DLGAP1: variants seen among roughly 807,000 people sequenced by gnomAD.
DLGAP1 encodes the protein disks large-associated protein 1.
A neutral mutation model predicts 90.8 loss-of-function variants in DLGAP1; 11 were observed. The observed-to-expected ratio is 0.12, with a 90% CI of 0.08 to 0.20. The LOEUF is 0.20. Among genes scored for constraint, DLGAP1 ranks in the 10% least tolerant of loss-of-function variants. DLGAP1 has a pLI of 1.00. For synonymous variants in DLGAP1, 558 were observed against 540.7 expected, an observed-to-expected ratio of 1.03 and a Z score of -0.44; for missense variants, 1,050 against 1,333.8, an observed-to-expected ratio of 0.79 and a Z score of 3.31.
chr18:3,735,163 G>A (rs942753314), intron 6 of DLGAP1, among the ~76,000 whole-genome samples: 3 of 152,136 alleles, frequency 2.0e-5, no homozygotes, highest in Non-Finnish European at 2.9e-5. Context: ...TGTAAAATAA[G>A]TATAATAATA....
At chr18:4,364,609 C>A (rs1344174592) in intron 1 of DLGAP1, among the ~76,000 whole-genome samples, 1 of 152,024 alleles carries the variant, frequency 6.6e-6, no homozygotes, top group East Asian at 1.9e-4. Flanking sequence ...AAATCCAACT[C>A]CTGGATTTGT....
At chr18:4,207,296 G>A (rs1385235329) in intron 1 of DLGAP1, among the ~76,000 whole-genome samples, 1 of 152,112 alleles carries the variant, frequency 6.6e-6, no homozygotes, top group Non-Finnish European at 1.5e-5. Flanking sequence ...GCCAAGCAGA[G>A]GGGGAAGCCC....
At chr18:3,821,803 T>G (rs974042991) in intron 4 of DLGAP1, 6 of 653,766 alleles carry the variant, frequency 9.2e-6, no homozygotes, top group Non-Finnish European at 1.1e-5. Context: ...CCCTGGACTT[T>G]AGGTTCCTGC....
chr18:4,072,317 T>C (rs2075460704), intron 2 of DLGAP1, among the ~76,000 whole-genome samples: 1 of 152,042 alleles, frequency 6.6e-6, no homozygotes, highest in South Asian at 2.1e-4. Context: ...TTTTCATAGA[T>C]TGAGATTGGC....
chr18:3,573,346 A>C (rs765731578), intron 8 of DLGAP1, among the ~76,000 whole-genome samples: 1 of 152,158 alleles, frequency 6.6e-6, no homozygotes, highest in Non-Finnish European at 1.5e-5. Flanking sequence ...TACTAAAAAT[A>C]CAAAAATTAG....
intron 2 of DLGAP1, among the ~76,000 whole-genome samples, chr18:4,106,646 A>G (rs925096749): frequency 6.6e-6 from 1 of 152,230 alleles, no homozygotes; most frequent in African/African-American, 2.4e-5. Context: ...TTCACAAAGC[A>G]AGGCGCTGCC....
chr18:4,165,999 A>G (rs1256922335), intron 1 of DLGAP1, among the ~76,000 whole-genome samples: 3 of 152,054 alleles, frequency 2.0e-5, no homozygotes, highest in African/African-American at 7.2e-5. Flanking sequence ...CTATATAAAA[A>G]ATCAAAAAAA....
At chr18:3,611,568 C>T (rs908589533) in intron 7 of DLGAP1, among the ~76,000 whole-genome samples, 5 of 152,130 alleles carry the variant, frequency 3.3e-5, no homozygotes, top group African/African-American at 4.8e-5. Context: ...TCTGTTAACG[C>T]GTCCCCGCCT....
At chr18:4,290,432 G>A (rs1176893128) in intron 1 of DLGAP1, among the ~76,000 whole-genome samples, 2 of 152,142 alleles carry the variant, frequency 1.3e-5, no homozygotes, top group Non-Finnish European at 2.9e-5. Context: ...TTCTTTCTCG[G>A]TTACCAGGAG....
At chr18:4,069,319 A>C (rs1486657625) in intron 2 of DLGAP1, among the ~76,000 whole-genome samples, 1 of 152,130 alleles carries the variant, frequency 6.6e-6, no homozygotes, top group Non-Finnish European at 1.5e-5. Context: ...TATCATTGTA[A>C]ATTACATTGA....
At chr18:3,783,060 T>A (rs575447534) in intron 5 of DLGAP1, among the ~76,000 whole-genome samples, 1 of 152,208 alleles carries the variant, frequency 6.6e-6, no homozygotes, top group African/African-American at 2.4e-5. Flanking sequence ...GATTCTCAAA[T>A]GGTTAGTCAT....
intron 2 of DLGAP1, among the ~76,000 whole-genome samples, chr18:4,093,080 A>C (rs2143776349): frequency 6.6e-6 from 1 of 152,212 alleles, no homozygotes; most frequent in South Asian, 2.1e-4. Flanking sequence ...ATGACATGGT[A>C]GTTTATCTTG....
intron 4 of DLGAP1, among the ~76,000 whole-genome samples, chr18:3,817,612 C>G (rs1011219358): frequency 6.6e-6 from 1 of 152,080 alleles, no homozygotes; most frequent in Non-Finnish European, 1.5e-5. Flanking sequence ...TCGATATAAT[C>G]GAGTCAGTTT....
chr18:3,672,999 A>G (rs1623297), intron 7 of DLGAP1, among the ~76,000 whole-genome samples: 76,854 of 151,628 alleles, frequency 0.51, 19,705 homozygotes, highest in East Asian at 0.83. Context: ...TTTATTCTAC[A>G]TTAAAGTGAA....
At chr18:3,966,250 G>C (rs531169320) in intron 3 of DLGAP1, among the ~76,000 whole-genome samples, 18 of 152,180 alleles carry the variant, frequency 1.2e-4, no homozygotes, top group Non-Finnish European at 2.2e-4. Context: ...GGTGGCTGGA[G>C]TTTCACAGGG....
intron 7 of DLGAP1, among the ~76,000 whole-genome samples, chr18:3,690,649 A>G: frequency 6.6e-6 from 1 of 152,208 alleles, no homozygotes; most frequent in Non-Finnish European, 1.5e-5. Flanking sequence ...TTAAAAAGGA[A>G]TAAGGAAAGG....
chr18:4,286,446 G>A (rs551626441), intron 1 of DLGAP1, among the ~76,000 whole-genome samples: 15 of 152,124 alleles, frequency 9.9e-5, no homozygotes, highest in Non-Finnish European at 2.1e-4. Context: ...TTTCAAGCAC[G>A]GAGGATGACG....
At chr18:3,570,664 C>A (rs1034010934) in intron 8 of DLGAP1, among the ~76,000 whole-genome samples, 11 of 151,806 alleles carry the variant, frequency 7.2e-5, no homozygotes, top group African/African-American at 2.7e-4. Context: ...TGAGGTGGCT[C>A]ATGCCTGTAG....
intron 7 of DLGAP1, among the ~76,000 whole-genome samples, chr18:3,697,079 T>G (rs751540521): frequency 1.3e-5 from 2 of 152,218 alleles, no homozygotes; most frequent in African/African-American, 2.4e-5. Context: ...TATTTGATTC[T>G]TCTGTCTTTC....
Sources: gnomAD v4.1 joint callset for allele counts (sites outside exome capture counted in the v4.1 genomes callset) on GRCh38, gnomAD v4.1.1 for gene constraint, MANE v1.5 for transcripts, NCBI Gene and HGNC (gene_info 2026-07-23, HGNC 2026-07-21) for gene names.